The following APBA2 variants were observed in gnomAD, a reference collection of about 807,000 sequenced individuals.
The protein encoded by APBA2 is amyloid-beta A4 precursor protein-binding family A member 2.
A neutral mutation model predicts 75.0 loss-of-function variants in APBA2; 30 were observed. The observed-to-expected ratio is 0.40, with a 90% CI of 0.30 to 0.54. The LOEUF is 0.54. Ranked by LOEUF, APBA2 falls within the 20% of genes least tolerant of loss-of-function variation. The probability of loss-of-function intolerance (pLI) is 0.49; values close to 1 mark genes in which losing one functional copy is unlikely to be tolerated. For missense variants in APBA2, 801 were observed against 1,016.1 expected, an observed-to-expected ratio of 0.79 and a Z score of 2.88; for synonymous variants, 444 against 409.6, an observed-to-expected ratio of 1.08 and a Z score of -1.01.
chr15:29,088,121 CT>C (rs1014818794), intron 6 of APBA2, among the ~76,000 whole-genome samples: 2 of 152,188 alleles, frequency 1.3e-5, no homozygotes, highest in Non-Finnish European at 2.9e-5. Context: ...TCACGACTGA[CT>C]TCCTTGACAC....
intron 1 of APBA2, among the ~76,000 whole-genome samples, chr15:28,919,200 C>T (rs746266403): frequency 4.6e-5 from 7 of 152,174 alleles, no homozygotes; most frequent in Non-Finnish European, 8.8e-5. Flanking sequence ...GTGTTCTGCA[C>T]TTCCTTGCGA....
At chr15:29,002,950 C>T (rs906636312) in intron 3 of APBA2, among the ~76,000 whole-genome samples, 34 of 152,048 alleles carry the variant, frequency 2.2e-4, no homozygotes, top group African/African-American at 7.2e-4. Context: ...AGGGGGAAGA[C>T]GGGCGTTCCA....
chr15:29,094,313 G>A lies in APBA2; in HGVS notation c.1251G>A (p.Ala417=), dbSNP rs751668354. The A allele has an allele frequency of 8.7e-6, 14 of 1,614,042 alleles. No homozygotes were observed. The highest frequency in any genetic ancestry group is 1.6e-4 in the Middle Eastern group (1 of 6,084). The change falls in exon 8 of 15, where the codon GCG becomes GCA. Residue 417 remains alanine, a splice_region_variant and synonymous_variant. Coordinates refer to ENST00000683413, the MANE Select transcript of APBA2 (RefSeq NM_001353788.2). ...AGGCTGCTAAGATCAAGAAAAAAGC[G>A]GTGTGTAGGGCCTTGAGGCCCTGGG... is the stretch of plus-strand genomic sequence containing the variant. ...MQKAAKIKKK[A]NSEGDAQTLT...
chr15:29,106,157 A>G (rs979790730), intron 11 of APBA2, among the ~76,000 whole-genome samples: 1 of 152,220 alleles, frequency 6.6e-6, no homozygotes, highest in Non-Finnish European at 1.5e-5. Flanking sequence ...TTGAGAGGAA[A>G]TAAAAGTAGA....
At chr15:29,071,156 T>C (rs2042604685) in intron 4 of APBA2, 4 of 413,446 alleles carry the variant, frequency 9.7e-6, no homozygotes, top group African/African-American at 2.1e-5. Context: ...TATATTGCTG[T>C]ACTTTCAGTT....
intron 10 of APBA2, among the ~76,000 whole-genome samples, chr15:29,104,366 G>C (rs1327236673): frequency 6.6e-6 from 1 of 152,222 alleles, no homozygotes; most frequent in Non-Finnish European, 1.5e-5. Context: ...CAAGAGCCCC[G>C]CCGCGCTCCC....
intron 3 of APBA2, among the ~76,000 whole-genome samples, chr15:29,030,372 G>GA (rs1214874969): frequency 2.6e-5 from 4 of 152,076 alleles, no homozygotes; most frequent in Non-Finnish European, 5.9e-5. Context: ...TGAGGCAGGA[G>GA]AATGGCGTGA....
intron 3 of APBA2, among the ~76,000 whole-genome samples, chr15:29,044,038 T>C (rs1420676759): frequency 6.6e-6 from 1 of 152,222 alleles, no homozygotes; most frequent in African/African-American, 2.4e-5. Context: ...CAAAATAATA[T>C]TATCTTTACA....
chr15:28,928,001 A>G (rs8038995), intron 2 of APBA2, among the ~76,000 whole-genome samples: 52,428 of 151,292 alleles, frequency 0.35, 15,780 homozygotes, highest in African/African-American at 0.8. Flanking sequence ...AAAATTAGCC[A>G]GGCGTGATGG....
Position 28,974,776 on chromosome 15 carries a change from A to G in APBA2, c.-94-20977A>G, listed in dbSNP as rs981804270. On this transcript the variant is annotated intron_variant, in intron 2 of 14. Coordinates refer to ENST00000683413, the MANE Select transcript of APBA2 (RefSeq NM_001353788.2). ...ATATATCACTCTGTGGAATACACATAAAGCTGTGGTTATAACCTCAGAAAT... is the reference window on the plus strand; with the variant it reads ...ATATATCACTCTGTGGAATACACATGAAGCTGTGGTTATAACCTCAGAAAT... Among the ~76,000 whole-genome samples, 3 of 152,348 alleles carry G rather than the reference A, an allele frequency of 2.0e-5. No homozygotes were observed. In the South Asian group the frequency reaches 6.2e-4, roughly 32 times the overall value.
intron 13 of APBA2, chr15:29,108,602 G>A (rs2044566055): frequency 1.4e-6 from 1 of 708,986 alleles, no homozygotes. Flanking sequence ...CATGGCCGTG[G>A]ATTGGGCCCC....
At chr15:29,077,773 C>T (rs1373646594) in intron 6 of APBA2, among the ~76,000 whole-genome samples, 3 of 152,176 alleles carry the variant, frequency 2.0e-5, no homozygotes, top group Non-Finnish European at 4.4e-5. Flanking sequence ...AAAACTGAAG[C>T]AAAACAACAT....
intron 2 of APBA2, among the ~76,000 whole-genome samples, chr15:28,961,094 AGAT>A (rs1275021511): frequency 1.3e-5 from 2 of 152,168 alleles, no homozygotes; most frequent in Admixed American, 1.3e-4. Flanking sequence ...AGACCCAGGG[AGAT>A]GATGAGTCAC....
intron 4 of APBA2, among the ~76,000 whole-genome samples, chr15:29,071,845 T>C (rs924224043): frequency 6.6e-6 from 1 of 151,914 alleles, no homozygotes; most frequent in African/African-American, 2.4e-5. Context: ...AACGCTGTTA[T>C]GGAGGAAAGG....
intron 3 of APBA2, among the ~76,000 whole-genome samples, chr15:28,996,283 C>G (rs1347704875): frequency 6.6e-6 from 1 of 152,130 alleles, no homozygotes; most frequent in Non-Finnish European, 1.5e-5. Flanking sequence ...TGAGAAGGGA[C>G]CAGCCATTGT....
chr15:28,918,017 T>C lies in APBA2; in HGVS notation c.-204-3623T>C, dbSNP rs1203305883. Among the ~76,000 whole-genome samples, 1 of 152,188 alleles carries C rather than the reference T, an allele frequency of 6.6e-6. No individual in the cohort carries two copies. Among genetic ancestry groups the C allele is most frequent in the Non-Finnish European group, 1.5e-5 (1 of 68,030 alleles). On this transcript the variant is annotated intron_variant, in intron 1 of 14. Transcript: ENST00000683413. The surrounding 1 kb of genome is among the most constrained non-coding windows in gnomAD (Gnocchi z 4.2). The stretch of plus-strand genomic sequence containing the variant: ...GCTGCCTGCTGCTTAGATGCCACTG[T>C]GGGGCAAGGAAGCTGCCCCCAGTCG...
chr15:29,067,652 C>A (rs893764595), intron 4 of APBA2, among the ~76,000 whole-genome samples: 4 of 152,214 alleles, frequency 2.6e-5, no homozygotes, highest in African/African-American at 9.7e-5. Flanking sequence ...AATCCACCAT[C>A]AAATAACAGC....
intron 5 of APBA2, 76 bp downstream of exon 5, chr15:29,075,077 T>C: frequency 9.2e-7 from 1 of 1,088,746 alleles, no homozygotes; most frequent in East Asian, 2.5e-5. Context: ...AGTTGTGGTC[T>C]GCTCACTTTG....
intron 2 of APBA2, among the ~76,000 whole-genome samples, chr15:28,949,395 A>G (rs901419675): frequency 6.6e-6 from 1 of 152,108 alleles, no homozygotes; most frequent in Non-Finnish European, 1.5e-5. Context: ...GCATGGATGG[A>G]TGCGTTAACC....
Sources: allele counts gnomAD v4.1 joint callset (sites outside exome capture counted in the v4.1 genomes callset), GRCh38; gene constraint gnomAD v4.1.1; non-coding constraint Gnocchi (gnomAD v3.1); transcripts MANE v1.5; gene names NCBI Gene and HGNC (gene_info 2026-07-23, HGNC 2026-07-21).